Variants in TMEM132D observed in about 807,000 individuals in gnomAD.
TMEM132D encodes the protein transmembrane protein 132D.
A neutral mutation model predicts 62.3 loss-of-function variants in TMEM132D; 21 were observed. The observed-to-expected ratio is 0.34, with a 90% confidence interval of 0.24 to 0.49. The LOEUF (loss-of-function observed/expected upper bound fraction) is 0.49. Ranked by LOEUF, TMEM132D falls within the 20% of genes least tolerant of loss-of-function variation. The pLI is 0.99. For synonymous variants in TMEM132D, 621 were observed against 575.6 expected, an observed-to-expected ratio of 1.08 and a Z score of -1.13; for missense variants, 1,346 against 1,402.8, an observed-to-expected ratio of 0.96 and a Z score of 0.65.
At chr12:129,106,736 C>T (rs150350724) in intron 5 of TMEM132D, among the ~76,000 whole-genome samples, 5 of 152,242 alleles carry the variant, frequency 3.3e-5, no homozygotes, top group South Asian at 4.1e-4. Flanking sequence ...TGGCCAATGA[C>T]GTGGGAGTAG....
chr12:129,719,638 A>C, intron 1 of TMEM132D, among the ~76,000 whole-genome samples: 1 of 152,228 alleles, frequency 6.6e-6, no homozygotes. Flanking sequence ...TGAATTCCAT[A>C]AACATCAGGT....
intron 5 of TMEM132D, among the ~76,000 whole-genome samples, chr12:129,105,895 G>C (rs1189218980): frequency 6.6e-6 from 1 of 151,112 alleles, no homozygotes; most frequent in Non-Finnish European, 1.5e-5. Context: ...AATACCATTT[G>C]ACCCAGCCAT....
chr12:129,304,319 T>C (rs933023397), intron 4 of TMEM132D, among the ~76,000 whole-genome samples: 1 of 152,292 alleles, frequency 6.6e-6, no homozygotes, highest in Non-Finnish European at 1.5e-5. Context: ...GACCAGGTCA[T>C]GGCCTGAACA....
At position 129,084,691 on chromosome 12, in the gene TMEM132D, T is replaced by A. The variant is rs777841506; in HGVS notation, c.1455A>T (p.Arg485Ser). The part of the protein sequence containing the change: ...SDEDVIKVSD[R>S]CDYVFVNGKE... ...TCCCATTGACAAAGACGTAGTCACA[T>A]CTGTCAGAAACCTGTGAAGAGGTGA... The change falls in exon 6 of 9, where the codon AGA (arginine) becomes AGT (serine). Residue 485 changes from arginine (R) to serine (S), a missense_variant. Transcript: ENST00000422113. The A allele has an allele frequency of 1.5e-5, 24 of 1,613,776 alleles. No homozygotes were observed. The highest frequency in any genetic ancestry group is 7.6e-6 in the Non-Finnish European group (9 of 1,179,952).
intron 3 of TMEM132D, among the ~76,000 whole-genome samples, chr12:129,418,627 AGGTGATG>A (rs1253705158): frequency 6.6e-6 from 1 of 152,108 alleles, no homozygotes; most frequent in African/African-American, 2.4e-5. Flanking sequence ...CTTAAAACCT[AGGTGATG>A]GGTTGATGGG....
chr12:129,529,761 C>A (rs910555205), intron 3 of TMEM132D, among the ~76,000 whole-genome samples: 1 of 152,220 alleles, frequency 6.6e-6, no homozygotes, highest in African/African-American at 2.4e-5. Flanking sequence ...ATTCCTCCAT[C>A]CGTCTACCCA....
chr12:129,080,183 A>G (rs1168129688), intron 7 of TMEM132D, among the ~76,000 whole-genome samples: 1 of 152,208 alleles, frequency 6.6e-6, no homozygotes, highest in Non-Finnish European at 1.5e-5. Flanking sequence ...AATGACCATC[A>G]TTTAGAGAGC....
In TMEM132D at chr12:129,074,711, C is replaced by T. The variant is rs2135604328; in HGVS notation, c.2464G>A (p.Val822Ile). Residue 822 changes from valine (V) to isoleucine (I), a missense_variant, in exon 9 of 9, where the codon GTC becomes ATC. Transcript: ENST00000422113. ...GGTTTTTTGGGCCTTCTGTCACTGA[C>T]ATTGTTTTCCATGTGAACCCCTGCC... ...TGAGVHMENN[V>I]SDRRPKKPSQ... 1.2e-6 allele frequency: 2 copies of T among 1,614,160 alleles called. No homozygotes were observed. The highest frequency in any genetic ancestry group is 1.7e-6 in the Non-Finnish European group (2 of 1,180,036).
intron 1 of TMEM132D, among the ~76,000 whole-genome samples, chr12:129,731,865 T>C (rs928744452): frequency 6.6e-5 from 10 of 152,134 alleles, no homozygotes; most frequent in African/African-American, 2.2e-4. Context: ...GGTTTCACCG[T>C]GTGAGCCAGG....
At chr12:129,348,748 C>T (rs1211815707) in intron 3 of TMEM132D, among the ~76,000 whole-genome samples, 1 of 152,086 alleles carries the variant, frequency 6.6e-6, no homozygotes, top group African/African-American at 2.4e-5. Flanking sequence ...AGAAAACTGG[C>T]CATTGGGAGA....
intron 1 of TMEM132D, among the ~76,000 whole-genome samples, chr12:129,877,365 C>T (rs1258760276): frequency 1.3e-5 from 2 of 152,076 alleles, no homozygotes; most frequent in Non-Finnish European, 2.9e-5. Context: ...TTCATGTACA[C>T]GTGTCAGACC....
intron 3 of TMEM132D, among the ~76,000 whole-genome samples, chr12:129,438,206 G>A (rs1304964061): frequency 6.6e-6 from 1 of 152,140 alleles, no homozygotes; most frequent in Non-Finnish European, 1.5e-5. Flanking sequence ...AAACATACGT[G>A]TGCATGTGCC....
At chr12:129,562,577 G>A (rs1051539197) in intron 2 of TMEM132D, among the ~76,000 whole-genome samples, 13 of 152,102 alleles carry the variant, frequency 8.5e-5, no homozygotes, top group South Asian at 2.1e-4. Flanking sequence ...TAGAGATCTG[G>A]CATTTACCAG....
At chr12:129,396,106 T>C (rs1871422049) in intron 3 of TMEM132D, among the ~76,000 whole-genome samples, 2 of 150,942 alleles carry the variant, frequency 1.3e-5, no homozygotes, top group Non-Finnish European at 2.9e-5. Context: ...TATAGGTATG[T>C]CTTGGTATGA....
At chr12:129,219,050 A>G (rs1292460304) in intron 4 of TMEM132D, among the ~76,000 whole-genome samples, 1 of 152,162 alleles carries the variant, frequency 6.6e-6, no homozygotes, top group African/African-American at 2.4e-5. Context: ...ATGTCAGAAA[A>G]ACCCTGGAGC....
At chr12:129,647,245 T>G (rs1344841591) in intron 2 of TMEM132D, among the ~76,000 whole-genome samples, 2 of 147,466 alleles carry the variant, frequency 1.4e-5, no homozygotes, top group South Asian at 2.1e-4. Flanking sequence ...GTTTTTCTGT[T>G]TTTTTTTTTT....
chr12:129,288,322 T>A (rs140878080), intron 4 of TMEM132D, among the ~76,000 whole-genome samples: 1 of 152,268 alleles, frequency 6.6e-6, no homozygotes, highest in East Asian at 1.9e-4. Context: ...CGGGAAAATA[T>A]TTGCAGGCCA....
intron 1 of TMEM132D, among the ~76,000 whole-genome samples, chr12:129,717,583 G>A (rs1255936762): frequency 6.7e-6 from 1 of 149,852 alleles, no homozygotes; most frequent in East Asian, 1.9e-4. Flanking sequence ...CACAGAATAT[G>A]GGAAACACAG....
chr12:129,847,844 C>T (rs1008331429), intron 1 of TMEM132D, among the ~76,000 whole-genome samples: 11 of 152,036 alleles, frequency 7.2e-5, no homozygotes, highest in African/African-American at 2.2e-4. Context: ...TCACGCAGTG[C>T]GGAACCCCAA....
Sources: allele counts gnomAD v4.1 joint callset (sites outside exome capture counted in the v4.1 genomes callset), GRCh38; gene constraint gnomAD v4.1.1; transcripts MANE v1.5; gene names NCBI Gene and HGNC (gene_info 2026-07-23, HGNC 2026-07-21).